Variants in C9orf78 observed in about 807,000 individuals in gnomAD.
C9orf78 encodes the protein splicing factor C9orf78.
C9orf78 carries 19 observed loss-of-function variants against 37.4 expected under a neutral mutation model. The observed-to-expected ratio is 0.51, with a 90% CI of 0.35 to 0.74. The LOEUF (loss-of-function observed/expected upper bound fraction) is 0.74, where lower values mean the gene tolerates loss of function less well. Ranked by LOEUF, C9orf78 falls within the 30% of genes least tolerant of loss-of-function variation. The probability of loss-of-function intolerance (pLI) is 0.01; values close to 1 mark genes in which losing one functional copy is unlikely to be tolerated. For synonymous variants in C9orf78, 130 were observed against 128.0 expected, an observed-to-expected ratio of 1.02 and a Z score of -0.10; for missense variants, 291 against 370.8, an observed-to-expected ratio of 0.78 and a Z score of 1.77.
At position 129,828,048 on chromosome 9, in the gene C9orf78, C is replaced by T. The variant is rs2031386883; in HGVS notation, c.*113G>A. ...CCTCAGGTGATCCGCCCACCTCGGC[C>T]TCCCAAAGTGCTGGGATTACAGGCA... On this transcript the variant is annotated 3_prime_UTR_variant, in exon 9 of 9. Transcript: ENST00000372447. The T allele has an allele frequency of 3.3e-6, 2 of 608,318 alleles. No individual in the cohort carries two copies. Among genetic ancestry groups the T allele is most frequent in the African/African-American group, 1.9e-5 (1 of 53,952 alleles). 37.7% of individuals were successfully genotyped at this position (608,318 alleles called of 1,614,324 possible). A position where few individuals can be genotyped will look rare whatever the true frequency, so the allele number is the denominator to read the frequency against.
intron 6 of C9orf78, 57 bp from the exon 7 acceptor site, chr9:129,829,598 C>G: frequency 6.6e-7 from 1 of 1,504,168 alleles, no homozygotes; most frequent in Admixed American, 1.8e-5. Flanking sequence ...ACTACTCAGA[C>G]ATGAGTGGTG....
chr9:129,828,951 T>C (rs1453088646), intron 8 of C9orf78: 1 of 571,588 alleles, frequency 1.7e-6, no homozygotes, highest in East Asian at 3.1e-5. Context: ...TTCTTGAGTC[T>C]CTACTGTGCG....
chr9:129,831,278 TG>T (rs1423371349), intron 5 of C9orf78: 1 of 588,490 alleles, frequency 1.7e-6, no homozygotes, highest in African/African-American at 1.9e-5. Context: ...ATTGGTGTTA[TG>T]ATGTACAAGG....
At chr9:129,831,700 A>G in intron 5 of C9orf78, 196 bp downstream of exon 5, 1 of 541,124 alleles carries the variant, frequency 1.8e-6, no homozygotes, top group Non-Finnish European at 3.3e-6. Flanking sequence ...CTGGGACTAC[A>G]GGTGAGAGCT....
intron 4 of C9orf78, 77 bp downstream of exon 4, chr9:129,833,370 G>A: frequency 1.3e-6 from 1 of 794,532 alleles, no homozygotes; most frequent in Non-Finnish European, 2.2e-6. Flanking sequence ...GCTGCTACAG[G>A]CCCCAGCTCT....
chr9:129,834,547 A>C (rs2031629433), intron 2 of C9orf78, 160 bp downstream of exon 2: 1 of 638,400 alleles, frequency 1.6e-6, no homozygotes, highest in Non-Finnish European at 2.8e-6. Context: ...TGTCCTGGTT[A>C]AACATTTGCA....
rs919603981 is a variant in C9orf78 at position 129,827,614 on chromosome 9, G to A, written c.*547C>T. The A allele has an allele frequency of 6.6e-6, 1 of 152,198 alleles. No individual in the cohort carries two copies. The highest frequency in any genetic ancestry group is 1.5e-5 in the Non-Finnish European group (1 of 68,136). 9.4% of individuals were successfully genotyped at this position (152,198 alleles called of 1,614,324 possible). On this transcript the variant is annotated 3_prime_UTR_variant, in exon 9 of 9. Transcript: ENST00000372447. ...AAACAAGATTTAATAATGCTCACAAGAATAGAGTTTGCCCCCAAATGGAAA... is the reference window on the plus strand; with the variant it reads ...AAACAAGATTTAATAATGCTCACAAAAATAGAGTTTGCCCCCAAATGGAAA...
At chr9:129,830,702 G>T in intron 6 of C9orf78, 169 bp downstream of exon 6, 1 of 595,514 alleles carries the variant, frequency 1.7e-6, no homozygotes. Context: ...AGTAGAGACG[G>T]GGTTCGACCA....
rs150955426 is a variant in C9orf78, at chr9:129,833,015, GTA to G, written c.266+430_266+431del. Among the ~76,000 whole-genome samples, 61 of 149,156 alleles carry G rather than the reference GTA, an allele frequency of 4.1e-4. 1 individual carries two copies. The highest frequency in any genetic ancestry group is 7.3e-4 in the Non-Finnish European group (49 of 67,516). On this transcript the variant is annotated intron_variant, in intron 4 of 8. Coordinates refer to ENST00000372447, the MANE Select transcript of C9orf78 (RefSeq NM_016520.3). Reference sequence around the variant, plus strand: ...TATATATATGTGTGTGTGTGTGTGTGTATATGTGTATATACATGTGTGTATAT... The same window carrying G: ...TATATATATGTGTGTGTGTGTGTGTGTATGTGTATATACATGTGTGTATAT...
At position 129,829,209 on chromosome 9, in the gene C9orf78, A is replaced by G; in HGVS notation, c.774T>C (p.Pro258=). 6.2e-7 allele frequency: 1 copy of G among 1,612,070 alleles called. No homozygotes were observed. Among genetic ancestry groups the G allele is most frequent in the Non-Finnish European group, 8.5e-7 (1 of 1,178,262 alleles). ...LRVGDTEKPE[P]ERSPPNRKRP... is the part of the protein sequence containing the mutation. ...CGAGGCCTTTGTTGCACTCACGCTC[A>G]GGCTCTGGCTTCTCCGTGTCACCTA... The change falls in exon 8 of 9, where the codon CCT becomes CCC. Residue 258 remains proline, a synonymous_variant. Coordinates refer to ENST00000372447, the MANE Select transcript of C9orf78 (RefSeq NM_016520.3).
rs1221295250 is a variant in C9orf78 at position 129,834,270 on chromosome 9, GA to G, written c.143+436del. 5.6e-5 allele frequency: 10 copies of G among 178,252 alleles called. No homozygotes were observed. In the East Asian group the frequency reaches 1.2e-3, roughly 21 times the overall value. The allele number at this position is 178,252 out of a possible 1,614,324, so 11.0% of individuals were successfully genotyped here. On this transcript the variant is annotated intron_variant, in intron 2 of 8. Coordinates refer to ENST00000372447, the MANE Select transcript of C9orf78 (RefSeq NM_016520.3). The stretch of plus-strand genomic sequence containing the variant: ...TGTTCACAATCTGAGAGAGAGAGAC[GA>G]AAAAAAACAGATTGGAAAGAGTATT...
chr9:129,832,579 C>A (rs372873542), intron 4 of C9orf78, among the ~76,000 whole-genome samples: 3 of 151,988 alleles, frequency 2.0e-5, no homozygotes, highest in South Asian at 4.1e-4. Flanking sequence ...GCTGGGATTA[C>A]GGGTGCCCAC....
chr9:129,829,790 A>G (rs2031443870), intron 6 of C9orf78: 3 of 402,042 alleles, frequency 7.5e-6, no homozygotes, highest in African/African-American at 6.1e-5. Flanking sequence ...CTTAAGGCTC[A>G]AAGTTTGTAA....
chr9:129,835,046 A>C, intron 1 of C9orf78, 93 bp downstream of exon 1: 1 of 1,033,866 alleles, frequency 9.7e-7, no homozygotes, highest in Admixed American at 1.9e-5. Flanking sequence ...CCGAGCTCAC[A>C]GTTAACAATG....
At chr9:129,832,439 T>C (rs2062798) in intron 4 of C9orf78, among the ~76,000 whole-genome samples, 34,928 of 152,152 alleles carry the variant, frequency 0.23, 4,097 homozygotes, top group Middle Eastern at 0.27. Context: ...ATTTGAATGT[T>C]TGATTTATTA....
At chr9:129,829,101 G>A (rs537836441) in intron 8 of C9orf78, 104 bp downstream of exon 8, 11 of 788,200 alleles carry the variant, frequency 1.4e-5, no homozygotes, top group Non-Finnish European at 2.0e-5. Flanking sequence ...CATATGCCCC[G>A]GCTCCAATGC....
At chr9:129,835,022 G>A in intron 1 of C9orf78, 117 bp downstream of exon 1, 1 of 893,548 alleles carries the variant, frequency 1.1e-6, no homozygotes, top group Non-Finnish European at 1.8e-6. Context: ...TGCGTCCGCA[G>A]AAGGAACCAC....
chr9:129,833,406 C>G (rs45507500), intron 4 of C9orf78, 41 bp downstream of exon 4: 290,255 of 1,211,242 alleles, frequency 0.24, 35,544 homozygotes, highest in South Asian at 0.27. Context: ...CCCAGGCAGC[C>G]GCTAAAGGTG....
At chr9:129,833,401 G>C (rs1588225135) in intron 4 of C9orf78, 46 bp downstream of exon 4, 1 of 1,129,230 alleles carries the variant, frequency 8.9e-7, no homozygotes, top group Non-Finnish European at 1.4e-6. Context: ...CTAGACCCAG[G>C]CAGCCGCTAA....
Sources: gnomAD v4.1 joint callset for allele counts (sites outside exome capture counted in the v4.1 genomes callset) on GRCh38, gnomAD v4.1.1 for gene constraint, MANE v1.5 for transcripts, NCBI Gene and HGNC (gene_info 2026-07-23, HGNC 2026-07-21) for gene names.